SIPA1L1: variants seen among roughly 807,000 people sequenced by gnomAD.
SIPA1L1 encodes the protein signal-induced proliferation-associated 1-like protein 1.
A neutral mutation model predicts 162.7 loss-of-function variants in SIPA1L1; 26 were observed. The observed-to-expected ratio is 0.16, with a 90% CI of 0.12 to 0.22. The LOEUF (loss-of-function observed/expected upper bound fraction) is 0.22. Among genes scored for constraint, SIPA1L1 ranks in the 10% least tolerant of loss-of-function variants. SIPA1L1 has a pLI of 1.00. For missense variants in SIPA1L1, 1,874 were observed against 2,241.0 expected (o/e 0.84, Z 3.31); for synonymous variants, 829 against 837.4 (o/e 0.99, Z 0.17).
chr14:71,453,087 TTATC>T (rs1327390640), intron 2 of SIPA1L1, among the ~76,000 whole-genome samples: 24 of 152,346 alleles, frequency 1.6e-4, no homozygotes, highest in Admixed American at 1.4e-3. Context: ...ATATTTAAAG[TTATC>T]TATCTGTTTC....
intron 4 of SIPA1L1, among the ~76,000 whole-genome samples, chr14:71,547,962 T>C (rs764239700): frequency 6.6e-6 from 1 of 152,226 alleles, no homozygotes; most frequent in Non-Finnish European, 1.5e-5. Context: ...AAGAATCCCT[T>C]GCCTCTCTTA....
chr14:71,607,719 A>G (rs2037693986), intron 5 of SIPA1L1, among the ~76,000 whole-genome samples: 2 of 152,154 alleles, frequency 1.3e-5, no homozygotes, highest in Admixed American at 1.3e-4. Flanking sequence ...AGCTTCTAAG[A>G]CTTTTCAGTT....
intron 17 of SIPA1L1, among the ~76,000 whole-genome samples, chr14:71,717,195 AC>A (rs1454614375): frequency 6.6e-6 from 1 of 151,964 alleles, no homozygotes; most frequent in Non-Finnish European, 1.5e-5. Flanking sequence ...ACTGCGCCCG[AC>A]CTCTTTTATA....
chr14:71,644,969 T>A (rs538091668), intron 7 of SIPA1L1, among the ~76,000 whole-genome samples: 6 of 152,196 alleles, frequency 3.9e-5, no homozygotes, highest in African/African-American at 7.2e-5. Flanking sequence ...CAACATAGAT[T>A]TGTTATTTTA....
intron 2 of SIPA1L1, among the ~76,000 whole-genome samples, chr14:71,382,768 T>C (rs543989721): frequency 1.5e-4 from 23 of 152,290 alleles, no homozygotes; most frequent in African/African-American, 3.9e-4. Context: ...ACAGCAAATA[T>C]TGAGTGCCCA....
chr14:71,481,634 T>C (rs755426765), intron 2 of SIPA1L1, among the ~76,000 whole-genome samples: 4 of 152,172 alleles, frequency 2.6e-5, no homozygotes, highest in Non-Finnish European at 5.9e-5. Flanking sequence ...AAAACAAATA[T>C]AGTTCAGTGG....
chr14:71,646,093 G>A (rs1042023776), intron 7 of SIPA1L1, among the ~76,000 whole-genome samples: 2 of 151,958 alleles, frequency 1.3e-5, no homozygotes, highest in Non-Finnish European at 2.9e-5. Context: ...CTTTCTTCTG[G>A]TACAGGGCTG....
intron 4 of SIPA1L1, among the ~76,000 whole-genome samples, chr14:71,582,636 A>G (rs1392157289): frequency 1.3e-5 from 2 of 152,156 alleles, no homozygotes; most frequent in East Asian, 1.9e-4. Context: ...ATCATGTTAC[A>G]TGTTTTGTAT....
chr14:71,344,143 G>A (rs542522270), intron 2 of SIPA1L1, among the ~76,000 whole-genome samples: 16 of 152,312 alleles, frequency 1.1e-4, no homozygotes, highest in African/African-American at 3.8e-4. Context: ...TTTGAAGGAA[G>A]TATTTCCCTC....
intron 14 of SIPA1L1, among the ~76,000 whole-genome samples, chr14:71,700,783 A>G (rs529983842): frequency 1.1e-4 from 17 of 152,190 alleles, no homozygotes; most frequent in African/African-American, 4.1e-4. Context: ...TCACGAGGTC[A>G]GGAGATCAAG....
intron 1 of SIPA1L1, among the ~76,000 whole-genome samples, chr14:71,320,761 T>A (rs1199553139): frequency 2.0e-5 from 3 of 149,006 alleles, no homozygotes; most frequent in African/African-American, 7.4e-5. Flanking sequence ...CCCCCGCACT[T>A]GCTTCCCGTA....
intron 2 of SIPA1L1, among the ~76,000 whole-genome samples, chr14:71,362,775 A>C (rs1258034236): frequency 6.6e-6 from 1 of 152,204 alleles, no homozygotes; most frequent in Non-Finnish European, 1.5e-5. Flanking sequence ...TTTTATGAAA[A>C]GTAGAATCAA....
At chr14:71,393,266 G>A (rs989351890) in intron 2 of SIPA1L1, among the ~76,000 whole-genome samples, 15 of 152,074 alleles carry the variant, frequency 9.9e-5, no homozygotes, top group African/African-American at 3.4e-4. Context: ...CACATCTTAG[G>A]TCTAAAAAAG....
At position 71,588,656 on chromosome 14, in the gene SIPA1L1, A is replaced by G. The variant is rs1202539139; in HGVS notation, c.784A>G (p.Ile262Val). Residue 262 changes from isoleucine (I) to valine (V), a missense_variant, in exon 5 of 24, where the codon ATA becomes GTA. Physicochemically the swap from Ile to Val is conservative, Grantham distance 29. Around this residue, in one of 5 missense-constraint regions of SIPA1L1, gnomAD observed 685 missense variants for 828.0 expected, o/e 0.83. Coordinates refer to ENST00000381232, the MANE Select transcript of SIPA1L1 (RefSeq NM_001386936.1). This position sits in a 1 kb window ranked among gnomAD's most constrained non-coding sequence, Gnocchi z 4.3. Reference sequence around the variant, plus strand: ...GGGTTCTGGTTTCTCTTTGGATGTAATAGACGGGCCTATCTCACAGAGAGA... The same window carrying G: ...GGGTTCTGGTTTCTCTTTGGATGTAGTAGACGGGCCTATCTCACAGAGAGA... Reference protein sequence around the residue: ...GKGSGFSLDVIDGPISQRENL... With the variant: ...GKGSGFSLDVVDGPISQRENL... 9 of 1,614,068 alleles carry G rather than the reference A, an allele frequency of 5.6e-6. No homozygotes were observed. The highest frequency in any genetic ancestry group is 7.6e-6 in the Non-Finnish European group (9 of 1,179,966).
chr14:71,335,117 G>A (rs1438163142), intron 2 of SIPA1L1, among the ~76,000 whole-genome samples: 12 of 152,232 alleles, frequency 7.9e-5, no homozygotes, highest in East Asian at 1.9e-4. Flanking sequence ...TGGCTAGCAC[G>A]GAGAAACCCC....
At position 71,321,162 on chromosome 14, in the gene SIPA1L1, C is replaced by G. The variant is rs977441157; in HGVS notation, c.-484C>G. 2 of 152,092 alleles carry G rather than the reference C, an allele frequency of 1.3e-5. No homozygotes were observed. Among genetic ancestry groups the G allele is most frequent in the Non-Finnish European group, 2.9e-5 (2 of 68,034 alleles). 9.4% of individuals were successfully genotyped at this position (152,092 alleles called of 1,614,324 possible). The stretch of plus-strand genomic sequence containing the variant: ...GACGCGCCCGGGACGCGCGGCGGCA[C>G]CGGGAGGCCGGGCCGAGCGGTAAGT... On this transcript the variant is annotated 5_prime_UTR_variant, in exon 2 of 24. Coordinates refer to ENST00000381232, the MANE Select transcript of SIPA1L1 (RefSeq NM_001386936.1).
Position 71,609,486 on chromosome 14 carries a change from A to T in SIPA1L1, c.1499-9271A>T, listed in dbSNP as rs866889704. 7.4e-5 allele frequency among the ~76,000 whole-genome samples: 11 copies of T among 148,254 alleles called. 1 individual carries two copies. Among genetic ancestry groups the T allele is most frequent in the Middle Eastern group, 6.9e-3 (2 of 288 alleles). On this transcript the variant is annotated intron_variant, in intron 5 of 23. Transcript: ENST00000381232. ...TATTTATTTATTTATTTATTTATTGAGATGGAGTCTTGCTCTGTTGCCCAG... is the reference window on the plus strand; with the variant it reads ...TATTTATTTATTTATTTATTTATTGTGATGGAGTCTTGCTCTGTTGCCCAG...
chr14:71,437,809 G>C (rs941422758), intron 2 of SIPA1L1, among the ~76,000 whole-genome samples: 4 of 152,128 alleles, frequency 2.6e-5, no homozygotes, highest in Admixed American at 2.6e-4. Flanking sequence ...TCTGTAATTA[G>C]CAAGGCATCA....
At chr14:71,686,613 G>A (rs573185111) in intron 13 of SIPA1L1, among the ~76,000 whole-genome samples, 2 of 151,644 alleles carry the variant, frequency 1.3e-5, no homozygotes, top group African/African-American at 2.4e-5. Flanking sequence ...GTGCTATCTC[G>A]GCTCACTGCA....
Sources: allele counts gnomAD v4.1 joint callset (sites outside exome capture counted in the v4.1 genomes callset), GRCh38; gene constraint gnomAD v4.1.1; regional missense constraint gnomAD v4.1.1; non-coding constraint Gnocchi (gnomAD v3.1); transcripts MANE v1.5; gene names NCBI Gene and HGNC (gene_info 2026-07-23, HGNC 2026-07-21).